WDFY3: variants seen among roughly 807,000 people sequenced by gnomAD.
WDFY3 encodes WD repeat and FYVE domain-containing protein 3.
A neutral mutation model predicts 409.6 loss-of-function variants in WDFY3; 66 were observed. The observed-to-expected ratio is 0.16, with a 90% CI of 0.13 to 0.20. The LOEUF (loss-of-function observed/expected upper bound fraction) is 0.20. Ranked by LOEUF, WDFY3 falls within the 10% of genes least tolerant of loss-of-function variation. WDFY3 has a pLI of 1.00. For missense variants in WDFY3, 3,031 were observed against 4,298.1 expected (o/e 0.71, Z 8.24); for synonymous variants, 1,521 against 1,537.1 (o/e 0.99, Z 0.25).
intron 3 of WDFY3, 132 bp from the exon 4 acceptor site, chr4:84,860,754 AAC>A (rs2150205931): frequency 1.1e-6 from 1 of 877,178 alleles, no homozygotes; most frequent in East Asian, 3.3e-5. Flanking sequence ...TACTTCTTTA[AAC>A]AGAAAAGACA....
intron 48 of WDFY3, among the ~76,000 whole-genome samples, chr4:84,717,378 T>C (rs1275724881): frequency 1.3e-5 from 2 of 152,198 alleles, no homozygotes; most frequent in Non-Finnish European, 2.9e-5. Context: ...TAATATAAGA[T>C]TATATTTATA....
At chr4:84,719,040 G>T (rs1734419796) in intron 47 of WDFY3, among the ~76,000 whole-genome samples, 1 of 152,160 alleles carries the variant, frequency 6.6e-6, no homozygotes, top group African/African-American at 2.4e-5. Flanking sequence ...TGTAGACTGG[G>T]TCAAGTTTCT....
At chr4:84,721,355 TTAA>T in intron 47 of WDFY3, 51 bp downstream of exon 47, 2 of 1,594,900 alleles carry the variant, frequency 1.3e-6, no homozygotes, top group South Asian at 1.1e-5. Context: ...TCATCTTGTC[TTAA>T]TAATATGTTA....
At chr4:84,891,197 G>A (rs1372891572) in intron 3 of WDFY3, among the ~76,000 whole-genome samples, 1 of 152,092 alleles carries the variant, frequency 6.6e-6, no homozygotes, top group Non-Finnish European at 1.5e-5. Flanking sequence ...GTTTAACCAT[G>A]AGCCCAAAAT....
At chr4:84,872,690 G>A (rs1162401958) in intron 3 of WDFY3, among the ~76,000 whole-genome samples, 1 of 151,962 alleles carries the variant, frequency 6.6e-6, no homozygotes, top group Non-Finnish European at 1.5e-5. Context: ...GAATGTCAGA[G>A]GGGATTAAAA....
chr4:84,710,533 C>A (rs1037167903), intron 51 of WDFY3, among the ~76,000 whole-genome samples: 1 of 152,140 alleles, frequency 6.6e-6, no homozygotes, highest in African/African-American at 2.4e-5. Flanking sequence ...ACCTTAGATC[C>A]TAAACACATC....
intron 1 of WDFY3, among the ~76,000 whole-genome samples, chr4:84,958,955 A>G (rs1774574164): frequency 6.6e-6 from 1 of 152,158 alleles, no homozygotes; most frequent in Non-Finnish European, 1.5e-5. Flanking sequence ...TAGCACCCCA[A>G]TGATTGTATG....
At chr4:84,702,251 T>G in intron 56 of WDFY3, 102 bp downstream of exon 56, 1 of 1,253,728 alleles carries the variant, frequency 8.0e-7, no homozygotes, top group South Asian at 2.0e-5. Flanking sequence ...TCAAATTTTT[T>G]TCTTGTTAAT....
At position 84,681,426 on chromosome 4, in the gene WDFY3, T is replaced by C. The variant is rs185235062; in HGVS notation, c.9823+948A>G. On this transcript the variant is annotated intron_variant, in intron 64 of 67. Transcript: ENST00000295888. ...ATTTTTATGTCCCCAAACACCCAGATGACCTTTTTGGTGGGGCTGTAATTA... is the reference window on the plus strand; with the variant it reads ...ATTTTTATGTCCCCAAACACCCAGACGACCTTTTTGGTGGGGCTGTAATTA... Among the ~76,000 whole-genome samples, 6 of 152,324 alleles carry C rather than the reference T, an allele frequency of 3.9e-5. No individual in the cohort carries two copies. In the East Asian group the frequency reaches 1.2e-3, roughly 29 times the overall value.
chr4:84,708,697 C>T (rs1490464473), intron 53 of WDFY3, among the ~76,000 whole-genome samples: 1 of 152,038 alleles, frequency 6.6e-6, no homozygotes, highest in Non-Finnish European at 1.5e-5. Context: ...TCTGGCACCA[C>T]ACCTGGCTAA....
At chr4:84,705,661 C>G in intron 53 of WDFY3, 150 bp from the exon 54 acceptor site, 1 of 661,356 alleles carries the variant, frequency 1.5e-6, no homozygotes. Flanking sequence ...CAAAATAATG[C>G]TATATATGTA....
intron 11 of WDFY3, 118 bp downstream of exon 11, chr4:84,820,966 C>T (rs1331195010): frequency 1.9e-6 from 2 of 1,029,674 alleles, no homozygotes; most frequent in Non-Finnish European, 2.8e-6. Flanking sequence ...TAATATGTCA[C>T]AATAATGCAC....
In WDFY3 at chr4:84,781,387, C is replaced by CT. The variant is rs200260886; in HGVS notation, c.4175-1090dup. Among the ~76,000 whole-genome samples, 912 of 145,036 alleles carry CT rather than the reference C, an allele frequency of 6.3e-3. 23 individuals are homozygous for CT. The highest frequency in any genetic ancestry group is 0.019 in the African/African-American group (704 of 37,980). The stretch of plus-strand genomic sequence containing the variant: ...CACAATACTTTCTTTCCTTCTTTCC[C>CT]TTTTGTTTTTTTTTTTTTTTTTTGA... On this transcript the variant is annotated intron_variant, in intron 25 of 67. Coordinates refer to ENST00000295888, the MANE Select transcript of WDFY3 (RefSeq NM_014991.6).
At chr4:84,838,905 C>T (rs1187071774) in intron 6 of WDFY3, among the ~76,000 whole-genome samples, 3 of 151,984 alleles carry the variant, frequency 2.0e-5, no homozygotes, top group Non-Finnish European at 4.4e-5. Context: ...TCTTTTTCTG[C>T]TTCATCTCTT....
In WDFY3 at chr4:84,778,655, A is replaced by G; in HGVS notation, c.4366T>C (p.Leu1456=). ...KEMERIKGYQ[L]LAMLLKKKRS... is the part of the protein sequence containing the mutation. ...TTCTTCTTAAGCAACATTGCCAGCAACTACAAGAAAGTAATACCAAATGCC... is the reference window on the plus strand; with the variant it reads ...TTCTTCTTAAGCAACATTGCCAGCAGCTACAAGAAAGTAATACCAAATGCC... Residue 1456 remains leucine, a splice_region_variant and synonymous_variant, in exon 27 of 68, where the codon TTG becomes CTG. Transcript: ENST00000295888. The G allele has an allele frequency of 1.9e-6, 3 of 1,603,280 alleles. No individual in the cohort carries two copies. The highest frequency in any genetic ancestry group is 2.5e-6 in the Non-Finnish European group (3 of 1,177,012).
At chr4:84,751,749 A>G (rs1444686650) in intron 35 of WDFY3, 33 bp from the exon 36 acceptor site, 1 of 1,606,480 alleles carries the variant, frequency 6.2e-7, no homozygotes, top group Admixed American at 1.7e-5. Context: ...TACGGTAATC[A>G]CATTAGACTC....
intron 34 of WDFY3, among the ~76,000 whole-genome samples, chr4:84,754,978 AT>A (rs1741187223): frequency 6.6e-6 from 1 of 152,150 alleles, no homozygotes; most frequent in Non-Finnish European, 1.5e-5. Context: ...GCATGCTATT[AT>A]TGTCGGCATT....
chr4:84,943,012 A>G (rs1342925144), intron 1 of WDFY3, among the ~76,000 whole-genome samples: 1 of 152,042 alleles, frequency 6.6e-6, no homozygotes, highest in Non-Finnish European at 1.5e-5. Flanking sequence ...TTATATGTGG[A>G]TTTTCTTCTG....
chr4:84,863,009 G>T (rs1760868750), intron 3 of WDFY3, among the ~76,000 whole-genome samples: 1 of 152,154 alleles, frequency 6.6e-6, no homozygotes, highest in Admixed American at 6.5e-5. Context: ...TGTTCTCAAG[G>T]TTCATCTGTA....
Sources: gnomAD v4.1 joint callset for allele counts (sites outside exome capture counted in the v4.1 genomes callset) on GRCh38, gnomAD v4.1.1 for gene constraint, MANE v1.5 for transcripts, NCBI Gene and HGNC (gene_info 2026-07-23, HGNC 2026-07-21) for gene names.